KCNB2: variants seen among roughly 807,000 people sequenced by gnomAD.
The protein encoded by KCNB2 is potassium voltage-gated channel subfamily B member 2.
KCNB2 carries 15 observed loss-of-function variants against 61.5 expected under a neutral mutation model. The ratio of observed to expected loss-of-function variants is 0.24; its 90% CI spans 0.16 to 0.38. The LOEUF is 0.38. Ranked by LOEUF, KCNB2 falls within the 10% of genes least tolerant of loss-of-function variation. The pLI is 1.00. For synonymous variants in KCNB2, 457 were observed against 446.0 expected (o/e 1.02, Z -0.31); for missense variants, 828 against 1,125.2 (o/e 0.74, Z 3.78).
intron 2 of KCNB2, among the ~76,000 whole-genome samples, chr8:72,897,549 A>T (rs74873639): frequency 0.017 from 2,518 of 152,286 alleles, 68 homozygotes; most frequent in African/African-American, 0.056. Context: ...TTAGGAACCT[A>T]TTTAAAAGAT....
At chr8:72,546,481 C>T (rs1192579848) in intron 1 of KCNB2, among the ~76,000 whole-genome samples, 1 of 150,116 alleles carries the variant, frequency 6.7e-6, no homozygotes, top group Non-Finnish European at 1.5e-5. Context: ...TGCACCACTG[C>T]ACTCCAGCCT....
chr8:72,547,388 A>T (rs1384327938), intron 1 of KCNB2, among the ~76,000 whole-genome samples: 1 of 152,234 alleles, frequency 6.6e-6, no homozygotes, highest in East Asian at 1.9e-4. Context: ...TGCCATATAT[A>T]GTGATTCCTC....
chr8:72,806,128 G>C (rs971894663), intron 2 of KCNB2, among the ~76,000 whole-genome samples: 2 of 152,088 alleles, frequency 1.3e-5, no homozygotes, highest in Non-Finnish European at 1.5e-5. Flanking sequence ...GGGAGGCCAA[G>C]GTGGGTGGAT....
intron 2 of KCNB2, among the ~76,000 whole-genome samples, chr8:72,683,044 G>A (rs1380237408): frequency 1.3e-5 from 2 of 152,302 alleles, no homozygotes; most frequent in East Asian, 1.9e-4. Context: ...AGTGGAGAGA[G>A]AATTAAAAGA....
At chr8:72,723,914 CTA>C (rs1214222331) in intron 2 of KCNB2, among the ~76,000 whole-genome samples, 3 of 152,164 alleles carry the variant, frequency 2.0e-5, no homozygotes, top group African/African-American at 4.8e-5. Context: ...CAAGTACTCT[CTA>C]TGTGTGCATT....
intron 2 of KCNB2, among the ~76,000 whole-genome samples, chr8:72,648,694 T>G (rs1202779248): frequency 6.6e-6 from 1 of 152,056 alleles, no homozygotes; most frequent in African/African-American, 2.4e-5. Context: ...CAAGCTGGAA[T>G]TTCCCCCACT....
intron 1 of KCNB2, among the ~76,000 whole-genome samples, chr8:72,554,527 T>C (rs1806393931): frequency 6.6e-6 from 1 of 152,064 alleles, no homozygotes; most frequent in Non-Finnish European, 1.5e-5. Context: ...GTTTAAATTG[T>C]ATATTTATTT....
chr8:72,756,227 C>G (rs1808287500), intron 2 of KCNB2, among the ~76,000 whole-genome samples: 1 of 152,180 alleles, frequency 6.6e-6, no homozygotes, highest in Non-Finnish European at 1.5e-5. Flanking sequence ...TAGTGAGTTG[C>G]TAGGAGCAGT....
At chr8:72,696,977 A>G (rs1054241581) in intron 2 of KCNB2, among the ~76,000 whole-genome samples, 4 of 152,202 alleles carry the variant, frequency 2.6e-5, no homozygotes, top group African/African-American at 9.6e-5. Flanking sequence ...GCTACTTCAT[A>G]TTATCCGTCA....
chr8:72,787,190 G>A (rs1414670667), intron 2 of KCNB2, among the ~76,000 whole-genome samples: 1 of 151,960 alleles, frequency 6.6e-6, no homozygotes, highest in Non-Finnish European at 1.5e-5. Flanking sequence ...ACATTTAAAT[G>A]AATGGGTAAG....
At chr8:72,561,749 A>ATG (rs1806529344) in intron 1 of KCNB2, among the ~76,000 whole-genome samples, 1 of 28,150 alleles carries the variant, frequency 3.6e-5, no homozygotes, top group Non-Finnish European at 5.5e-5. Flanking sequence ...ATATATATGT[A>ATG]TATATATATA....
At chr8:72,638,554 T>G (rs1264888239) in intron 2 of KCNB2, among the ~76,000 whole-genome samples, 1 of 152,172 alleles carries the variant, frequency 6.6e-6, no homozygotes, top group African/African-American at 2.4e-5. Flanking sequence ...TTGTATAGTT[T>G]TCTTGTATAA....
chr8:72,658,132 A>C (rs1341844253), intron 2 of KCNB2, among the ~76,000 whole-genome samples: 1 of 152,204 alleles, frequency 6.6e-6, no homozygotes, highest in Non-Finnish European at 1.5e-5. Flanking sequence ...TAAGAAAGGT[A>C]TGTCAAAGCC....
chr8:72,712,696 C>T lies in KCNB2; in HGVS notation c.579+144383C>T, dbSNP rs543651465. Among the ~76,000 whole-genome samples the T allele has an allele frequency of 5.9e-5, 9 of 152,218 alleles. 1 individual carries two copies. The highest frequency in any genetic ancestry group is 1.9e-4 in the African/African-American group (8 of 41,516). The stretch of plus-strand genomic sequence containing the variant: ...TTGTTGGCTCTTGAGCCAAGATGGC[C>T]GGATAGGAACAGCTCCAGTCTACAG... On this transcript the variant is annotated intron_variant, in intron 2 of 2. Coordinates refer to ENST00000523207, the MANE Select transcript of KCNB2 (RefSeq NM_004770.3).
intron 2 of KCNB2, among the ~76,000 whole-genome samples, chr8:72,659,555 A>G (rs1224229793): frequency 2.6e-5 from 4 of 152,244 alleles, no homozygotes; most frequent in African/African-American, 4.8e-5. Flanking sequence ...ACAGCATTGC[A>G]TGCTACAGAG....
intron 2 of KCNB2, among the ~76,000 whole-genome samples, chr8:72,704,014 G>A (rs1807176237): frequency 6.6e-6 from 1 of 152,180 alleles, no homozygotes; most frequent in South Asian, 2.1e-4. Context: ...CTGCATTTGA[G>A]TTTTCAGTGT....
intron 2 of KCNB2, among the ~76,000 whole-genome samples, chr8:72,581,003 A>C (rs2128980363): frequency 6.6e-6 from 1 of 152,178 alleles, no homozygotes; most frequent in African/African-American, 2.4e-5. Context: ...CCTCCTATAT[A>C]ACCATATGCC....
intron 2 of KCNB2, among the ~76,000 whole-genome samples, chr8:72,651,263 G>T: frequency 6.6e-6 from 1 of 152,124 alleles, no homozygotes; most frequent in African/African-American, 2.4e-5. Flanking sequence ...TATCCAATTT[G>T]ACCTATAGTT....
intron 2 of KCNB2, among the ~76,000 whole-genome samples, chr8:72,626,948 T>C (rs1481617244): frequency 6.6e-6 from 1 of 152,250 alleles, no homozygotes; most frequent in Non-Finnish European, 1.5e-5. Context: ...AATCACTTTT[T>C]ACATAACCAG....
Sources: allele counts gnomAD v4.1 joint callset (sites outside exome capture counted in the v4.1 genomes callset), GRCh38; gene constraint gnomAD v4.1.1; transcripts MANE v1.5; gene names NCBI Gene and HGNC (gene_info 2026-07-23, HGNC 2026-07-21).